Variants in UBE2R2 observed in about 807,000 individuals in gnomAD.
UBE2R2 encodes the protein ubiquitin-conjugating enzyme E2 R2.
Under a neutral mutation model 27.8 loss-of-function variants are expected in UBE2R2, and 1 was observed. The observed-to-expected ratio is 0.04, with a 90% CI of 0.01 to 0.17. The LOEUF is 0.17. Among genes scored for constraint, UBE2R2 ranks in the 10% least tolerant of loss-of-function variants. The pLI, the probability that UBE2R2 is intolerant of heterozygous loss-of-function variation, is 1.00. For synonymous variants in UBE2R2, 106 were observed against 113.3 expected (o/e 0.94, Z 0.41); for missense variants, 100 against 291.0 (o/e 0.34, Z 4.78).
intron 1 of UBE2R2, among the ~76,000 whole-genome samples, chr9:33,836,876 T>G (rs1471299460): frequency 2.0e-5 from 3 of 152,148 alleles, no homozygotes; most frequent in Admixed American, 1.3e-4. Context: ...AATTCTAGAT[T>G]GGAAATCCTG....
chr9:33,858,071 A>G (rs1284267698), intron 1 of UBE2R2, among the ~76,000 whole-genome samples: 1 of 152,216 alleles, frequency 6.6e-6, no homozygotes, highest in East Asian at 1.9e-4. Flanking sequence ...ATCGCATATA[A>G]TAAAAGCTAA....
At chr9:33,901,208 T>C (rs143612823) in intron 3 of UBE2R2, among the ~76,000 whole-genome samples, 2 of 152,294 alleles carry the variant, frequency 1.3e-5, no homozygotes, top group Non-Finnish European at 2.9e-5. Context: ...TGTCCCCCAG[T>C]TGAGATTTTT....
At chr9:33,894,226 G>GTT (rs1822049395) in intron 2 of UBE2R2, among the ~76,000 whole-genome samples, 1 of 151,974 alleles carries the variant, frequency 6.6e-6, no homozygotes, top group Non-Finnish European at 1.5e-5. Context: ...GAGGCTAGGA[G>GTT]TTTGAGACCA....
At chr9:33,828,378 T>G (rs1820363583) in intron 1 of UBE2R2, among the ~76,000 whole-genome samples, 1 of 150,968 alleles carries the variant, frequency 6.6e-6, no homozygotes, top group African/African-American at 2.4e-5. Context: ...ATGACTTCAG[T>G]TTTTGTCTCT....
At chr9:33,839,132 C>T (rs1820677689) in intron 1 of UBE2R2, among the ~76,000 whole-genome samples, 1 of 151,306 alleles carries the variant, frequency 6.6e-6, no homozygotes. Context: ...CCCCAAAAGA[C>T]ATATGTTGAA....
In UBE2R2 at chr9:33,832,789, G is replaced by C. The variant is rs1051869667; in HGVS notation, c.177+14855G>C. 4.0e-5 allele frequency among the ~76,000 whole-genome samples: 6 copies of C among 151,716 alleles called. No individual in the cohort carries two copies. In the East Asian group the frequency reaches 1.2e-3, roughly 30 times the overall value. ...TAATTAAATTCTATTATAGTTTTAA[G>C]TAGTCAGGTTTATGGAGGTATAATT... On this transcript the variant is annotated intron_variant, in intron 1 of 4. Coordinates refer to ENST00000263228, the MANE Select transcript of UBE2R2 (RefSeq NM_017811.4).
At chr9:33,876,468 C>A (rs1821604572) in intron 1 of UBE2R2, among the ~76,000 whole-genome samples, 1 of 152,044 alleles carries the variant, frequency 6.6e-6, no homozygotes, top group African/African-American at 2.4e-5. Context: ...AGGATATTCC[C>A]CCTGAATGTT....
At chr9:33,819,702 G>A (rs1825931257) in intron 1 of UBE2R2, among the ~76,000 whole-genome samples, 1 of 151,664 alleles carries the variant, frequency 6.6e-6, no homozygotes, top group Admixed American at 6.6e-5. Context: ...GCAGTGGCGC[G>A]ATCTCGCCTC....
chr9:33,861,035 T>C (rs1405812483), intron 1 of UBE2R2, among the ~76,000 whole-genome samples: 1 of 151,086 alleles, frequency 6.6e-6, no homozygotes, highest in Non-Finnish European at 1.5e-5. Context: ...CTCGGCTCAC[T>C]GCAAGCTCCG....
chr9:33,903,164 C>T (rs575219466), intron 3 of UBE2R2, among the ~76,000 whole-genome samples: 18 of 151,922 alleles, frequency 1.2e-4, no homozygotes, highest in South Asian at 4.2e-4. Flanking sequence ...GAGGGTGCTA[C>T]GTCTTCAGAA....
chr9:33,829,326 A>G (rs951036091), intron 1 of UBE2R2, among the ~76,000 whole-genome samples: 4 of 152,230 alleles, frequency 2.6e-5, no homozygotes, highest in Admixed American at 6.5e-5. Flanking sequence ...GAATGGTGCC[A>G]ATATTGAGAA....
At chr9:33,828,472 C>T (rs1820367937) in intron 1 of UBE2R2, among the ~76,000 whole-genome samples, 1 of 151,242 alleles carries the variant, frequency 6.6e-6, no homozygotes, top group African/African-American at 2.4e-5. Context: ...TCACTGCAAC[C>T]TCCGCCTCCT....
intron 1 of UBE2R2, among the ~76,000 whole-genome samples, chr9:33,865,839 T>G (rs10971749): frequency 0.2 from 29,517 of 150,812 alleles, 3,508 homozygotes; most frequent in East Asian, 0.55. Context: ...TTTTTTGTTT[T>G]TTTTTTTTTG....
chr9:33,856,843 T>TTCCA (rs1328535044), intron 1 of UBE2R2, among the ~76,000 whole-genome samples: 6 of 151,210 alleles, frequency 4.0e-5, no homozygotes, highest in Non-Finnish European at 8.8e-5. Context: ...CTGTCCGTCC[T>TTCCA]TCCATCCATC....
chr9:33,892,801 A>G (rs1379275434), intron 2 of UBE2R2, among the ~76,000 whole-genome samples: 3 of 152,220 alleles, frequency 2.0e-5, no homozygotes, highest in African/African-American at 7.2e-5. Flanking sequence ...GAAGTTATTA[A>G]AAAGAATCCT....
intron 1 of UBE2R2, among the ~76,000 whole-genome samples, chr9:33,862,094 T>G (rs936199840): frequency 2.6e-5 from 4 of 151,906 alleles, no homozygotes; most frequent in Admixed American, 1.3e-4. Context: ...ACCTCATGAT[T>G]CACCTGCCTC....
At chr9:33,896,307 C>T (rs1822103749) in intron 2 of UBE2R2, among the ~76,000 whole-genome samples, 1 of 152,080 alleles carries the variant, frequency 6.6e-6, no homozygotes, top group South Asian at 2.1e-4. Context: ...TGTCTAAATA[C>T]TCTGGTTAGA....
intron 3 of UBE2R2, among the ~76,000 whole-genome samples, chr9:33,903,651 T>TTAC (rs1564005240): frequency 2.0e-5 from 3 of 152,218 alleles, no homozygotes; most frequent in African/African-American, 7.2e-5. Context: ...ACTTCTCATG[T>TTAC]AATCCAGTCT....
chr9:33,837,411 C>T (rs1035039283), intron 1 of UBE2R2, among the ~76,000 whole-genome samples: 2 of 141,690 alleles, frequency 1.4e-5, no homozygotes, highest in African/African-American at 5.3e-5. Context: ...GTTTAGGCAG[C>T]TGCTGCTTCT....
Sources: allele counts gnomAD v4.1 joint callset (sites outside exome capture counted in the v4.1 genomes callset), GRCh38; gene constraint gnomAD v4.1.1; transcripts MANE v1.5; gene names NCBI Gene and HGNC (gene_info 2026-07-23, HGNC 2026-07-21).